Variants in SMIM33 observed in about 807,000 individuals in gnomAD.
SMIM33 encodes the protein small integral membrane protein 33.
At chr5:139,471,709 C>G (rs538854029) in intron 1 of SMIM33, among the ~76,000 whole-genome samples, 2 of 152,238 alleles carry the variant, frequency 1.3e-5, no homozygotes, top group Admixed American at 6.5e-5. Context: ...AGGGTCTCCA[C>G]AATCCATCCT....
At position 139,473,022 on chromosome 5, in the gene SMIM33, A is replaced by G; in HGVS notation, c.*101A>G. The G allele has an allele frequency of 2.5e-6, 1 of 397,916 alleles. No individual in the cohort carries two copies. Among genetic ancestry groups the G allele is most frequent in the Non-Finnish European group, 4.4e-6 (1 of 226,174 alleles). The allele number at this position is 397,916 out of a possible 1,614,324, so 24.6% of individuals were successfully genotyped here. ...TGGAGCCTGGGCATCAGAGCGTCGGAAGGGCACACTGGACTCAGCTGGAGC... is the reference window on the plus strand; with the variant it reads ...TGGAGCCTGGGCATCAGAGCGTCGGGAGGGCACACTGGACTCAGCTGGAGC... On this transcript the variant is annotated 3_prime_UTR_variant, in exon 2 of 2. Coordinates refer to ENST00000637503, the MANE Select transcript of SMIM33 (RefSeq NM_001365197.1).
Position 139,472,589 on chromosome 5 carries a change from C to G in SMIM33, c.67C>G (p.Gln23Glu). 2.5e-6 allele frequency: 1 copy of G among 400,868 alleles called. No homozygotes were observed. The highest frequency in any genetic ancestry group is 4.4e-6 in the Non-Finnish European group (1 of 226,290). 24.8% of individuals were successfully genotyped at this position (400,868 alleles called of 1,614,324 possible). Residue 23 changes from glutamine to glutamate, a missense_variant, in exon 2 of 2, where the codon CAG becomes GAG. Transcript: ENST00000637503. Reference sequence around the variant, plus strand: ...GAACAGTTCATCAGAGCAGGAGCCCCAGAGGCAGCTTCCGGAGGTGCTAAG... The same window carrying G: ...GAACAGTTCATCAGAGCAGGAGCCCGAGAGGCAGCTTCCGGAGGTGCTAAG... ...AVNSSSEQEPQRQLPEVLSGT... is the reference protein window; with the variant it reads ...AVNSSSEQEPERQLPEVLSGT...
rs1294648461 is a variant in SMIM33, at chr5:139,472,806, G to T, written c.284G>T (p.Arg95Leu). The stretch of plus-strand genomic sequence containing the variant: ...GGTGGCATCTACCTCATCCACTGGC[G>T]GGTGCTGGGCCCCCAAGACAGTCCT... The part of the protein sequence containing the change: ...PDGGIYLIHW[R>L]VLGPQDSPEE... The change falls in exon 2 of 2, where the codon CGG becomes CTG. Residue 95 changes from arginine (R) to leucine (L), a missense_variant. By Grantham distance (102) the Arg-to-Leu change is moderately radical (BLOSUM62 -2). Coordinates refer to ENST00000637503, the MANE Select transcript of SMIM33 (RefSeq NM_001365197.1). 2.7e-5 allele frequency: 11 copies of T among 400,792 alleles called. No individual in the cohort carries two copies. Among genetic ancestry groups the T allele is most frequent in the Admixed American group, 1.8e-4 (4 of 22,728 alleles). The allele number at this position is 400,792 out of a possible 1,614,324, so 24.8% of individuals were successfully genotyped here.
chr5:139,473,170 C>A lies in SMIM33; in HGVS notation c.*249C>A. 1 of 364,168 alleles carries A rather than the reference C, an allele frequency of 2.7e-6. No individual in the cohort carries two copies. The allele number at this position is 364,168 out of a possible 1,614,324, so 22.6% of individuals were successfully genotyped here. On this transcript the variant is annotated 3_prime_UTR_variant, in exon 2 of 2. Coordinates refer to ENST00000637503, the MANE Select transcript of SMIM33 (RefSeq NM_001365197.1). ...AGGGCCCAAGGCCACCTCACAAAGTCCCTCCCTCCTCTTCAGGGACCACCA... is the reference window on the plus strand; with the variant it reads ...AGGGCCCAAGGCCACCTCACAAAGTACCTCCCTCCTCTTCAGGGACCACCA...
chr5:139,472,522 C>G lies in SMIM33; in HGVS notation c.10-10C>G, dbSNP rs1751552736. 1 of 400,880 alleles carries G rather than the reference C, an allele frequency of 2.5e-6. No homozygotes were observed. Among genetic ancestry groups the G allele is most frequent in the Non-Finnish European group, 4.4e-6 (1 of 226,538 alleles). 24.8% of individuals were successfully genotyped at this position (400,880 alleles called of 1,614,324 possible). A position where few individuals can be genotyped will look rare whatever the true frequency, so the allele number is the denominator to read the frequency against. On this transcript the variant is annotated splice_polypyrimidine_tract_variant and intron_variant, in intron 1 of 1. Coordinates refer to ENST00000637503, the MANE Select transcript of SMIM33 (RefSeq NM_001365197.1). ...CATGTCACCCTCTCTCTCTGCCACT[C>G]TCCTCCCAGGCTGGCCACTACTCCT...
intron 1 of SMIM33, among the ~76,000 whole-genome samples, chr5:139,471,933 A>G (rs774691583): frequency 1.2e-4 from 19 of 152,286 alleles, no homozygotes; most frequent in Non-Finnish European, 1.8e-4. Flanking sequence ...AGGGGAGCCT[A>G]AAATGCTGGA....
chr5:139,472,232 T>C (rs895062189), intron 1 of SMIM33, among the ~76,000 whole-genome samples: 1 of 152,206 alleles, frequency 6.6e-6, no homozygotes, highest in African/African-American at 2.4e-5. Flanking sequence ...TCTTTATTTC[T>C]GTCTGTTTTT....
rs947386846 is a variant in SMIM33 at position 139,472,805 on chromosome 5, C to T, written c.283C>T (p.Arg95Trp). 5.7e-5 allele frequency: 23 copies of T among 400,836 alleles called. No individual in the cohort carries two copies. Among genetic ancestry groups the T allele is most frequent in the Non-Finnish European group, 8.8e-5 (20 of 226,372 alleles). 24.8% of individuals were successfully genotyped at this position (400,836 alleles called of 1,614,324 possible). A position where few individuals can be genotyped will look rare whatever the true frequency, so the allele number is the denominator to read the frequency against. Residue 95 changes from arginine (R) to tryptophan (W), a missense_variant, in exon 2 of 2, where the codon CGG (arginine) becomes TGG (tryptophan). By Grantham distance (101) the Arg-to-Trp change is moderately radical (BLOSUM62 -3). Coordinates refer to ENST00000637503, the MANE Select transcript of SMIM33 (RefSeq NM_001365197.1). ...TGGTGGCATCTACCTCATCCACTGG[C>T]GGGTGCTGGGCCCCCAAGACAGTCC... ...PDGGIYLIHW[R>W]VLGPQDSPEE...
intron 1 of SMIM33, 39 bp downstream of exon 1, chr5:139,471,169 C>T (rs1026201150): frequency 2.3e-5 from 9 of 398,740 alleles, no homozygotes; most frequent in Non-Finnish European, 4.0e-5. Flanking sequence ...GCTGGGCTGA[C>T]TCCCTGCAGG....
At chr5:139,471,585 A>G (rs1334867805) in intron 1 of SMIM33, among the ~76,000 whole-genome samples, 1 of 152,034 alleles carries the variant, frequency 6.6e-6, no homozygotes, top group Non-Finnish European at 1.5e-5. Flanking sequence ...CCTTCACTAC[A>G]ATGCCACCAC....
In SMIM33 at chr5:139,472,689, C is replaced by A. The variant is rs908596875; in HGVS notation, c.167C>A (p.Ala56Glu). Residue 56 changes from alanine (A) to glutamate (E), a missense_variant, in exon 2 of 2, where the codon GCA (alanine) becomes GAA (glutamate). Physicochemically the swap from Ala to Glu is moderately radical, Grantham distance 107. Coordinates refer to ENST00000637503, the MANE Select transcript of SMIM33 (RefSeq NM_001365197.1). ...TVIVAVFVLL[A>E]VCIIVAVHFG... is the part of the protein sequence containing the mutation. ...ATTGTCGCTGTCTTTGTTCTGCTGG[C>A]AGTCTGCATCATAGTGGCAGTCCAT... The A allele has an allele frequency of 2.5e-6, 1 of 400,872 alleles. No homozygotes were observed. 24.8% of individuals were successfully genotyped at this position (400,872 alleles called of 1,614,324 possible). A position where few individuals can be genotyped will look rare whatever the true frequency, so the allele number is the denominator to read the frequency against.
In SMIM33 at chr5:139,473,136, G is replaced by A; in HGVS notation, c.*215G>A. The A allele has an allele frequency of 2.6e-6, 1 of 383,992 alleles. No individual in the cohort carries two copies. Among genetic ancestry groups the A allele is most frequent in the East Asian group, 3.7e-5 (1 of 26,940 alleles). The allele number at this position is 383,992 out of a possible 1,614,324, so 23.8% of individuals were successfully genotyped here. On this transcript the variant is annotated 3_prime_UTR_variant, in exon 2 of 2. Transcript: ENST00000637503. ...CCCTGCCCAGAAACATGCTGCGGGG[G>A]GCCTTCCCAGGGCCCAAGGCCACCT...
Position 139,473,125 on chromosome 5 carries a change from A to G in SMIM33, c.*204A>G, listed in dbSNP as rs1430970203. 2.6e-6 allele frequency: 1 copy of G among 389,350 alleles called. No individual in the cohort carries two copies. Among genetic ancestry groups the G allele is most frequent in the African/African-American group, 2.1e-5 (1 of 48,482 alleles). 24.1% of individuals were successfully genotyped at this position (389,350 alleles called of 1,614,324 possible). On this transcript the variant is annotated 3_prime_UTR_variant, in exon 2 of 2. Transcript: ENST00000637503. Reference sequence around the variant, plus strand: ...AAACTTGAGGGCCCTGCCCAGAAACATGCTGCGGGGGGCCTTCCCAGGGCC... The same window carrying G: ...AAACTTGAGGGCCCTGCCCAGAAACGTGCTGCGGGGGGCCTTCCCAGGGCC...
At position 139,472,858 on chromosome 5, in the gene SMIM33, C is replaced by A. The variant is rs890624178; in HGVS notation, c.336C>A (p.Val112=). ...AAGAAGCACCACCGGGCCCTCTTGT[C>A]CCTGGCTCCTGCCCTGCGCCAGATG... ...SPEEAPPGPL[V]PGSCPAPDGP... is the part of the protein sequence containing the mutation. Residue 112 remains valine, a synonymous_variant, in exon 2 of 2, where the codon GTC becomes GTA. Transcript: ENST00000637503. 5 of 400,918 alleles carry A rather than the reference C, an allele frequency of 1.2e-5. No homozygotes were observed. Among genetic ancestry groups the A allele is most frequent in the Middle Eastern group, 3.1e-4 (1 of 3,222 alleles). 24.8% of individuals were successfully genotyped at this position (400,918 alleles called of 1,614,324 possible).
At chr5:139,472,020 A>G (rs1376523360) in intron 1 of SMIM33, among the ~76,000 whole-genome samples, 1 of 152,146 alleles carries the variant, frequency 6.6e-6, no homozygotes, top group Non-Finnish European at 1.5e-5. Flanking sequence ...ACAGCAGCCC[A>G]TAGCGTGCCA....
rs1751552592 is a variant in SMIM33 at position 139,472,516 on chromosome 5, G to A, written c.10-16G>A. The stretch of plus-strand genomic sequence containing the variant: ...TACATCCATGTCACCCTCTCTCTCT[G>A]CCACTCTCCTCCCAGGCTGGCCACT... On this transcript the variant is annotated splice_polypyrimidine_tract_variant and intron_variant, in intron 1 of 1. Coordinates refer to ENST00000637503, the MANE Select transcript of SMIM33 (RefSeq NM_001365197.1). 2 of 400,028 alleles carry A rather than the reference G, an allele frequency of 5.0e-6. No individual in the cohort carries two copies. Among genetic ancestry groups the A allele is most frequent in the Non-Finnish European group, 8.8e-6 (2 of 226,082 alleles). 24.8% of individuals were successfully genotyped at this position (400,028 alleles called of 1,614,324 possible). A position where few individuals can be genotyped will look rare whatever the true frequency, so the allele number is the denominator to read the frequency against.
Position 139,471,022 on chromosome 5 carries a change from G to A in SMIM33, c.-100G>A, listed in dbSNP as rs1420389780. 12 of 398,578 alleles carry A rather than the reference G, an allele frequency of 3.0e-5. No homozygotes were observed. Among genetic ancestry groups the A allele is most frequent in the Admixed American group, 1.3e-4 (3 of 22,726 alleles). The allele number at this position is 398,578 out of a possible 1,614,324, so 24.7% of individuals were successfully genotyped here. A position where few individuals can be genotyped will look rare whatever the true frequency, so the allele number is the denominator to read the frequency against. ...CACAGGGTGTGTGCCCATGGGCCCC[G>A]CAGACGTGGCAGCTCCGGGTAGGGG... On this transcript the variant is annotated 5_prime_UTR_variant, in exon 1 of 2. Transcript: ENST00000637503.
At position 139,473,184 on chromosome 5, in the gene SMIM33, C is replaced by T. The variant is rs1751566505; in HGVS notation, c.*263C>T. ...CCTCACAAAGTCCCTCCCTCCTCTT[C>T]AGGGACCACCAGACCCCTGAATCTC... On this transcript the variant is annotated 3_prime_UTR_variant, in exon 2 of 2. Transcript: ENST00000637503. 4 of 344,476 alleles carry T rather than the reference C, an allele frequency of 1.2e-5. No individual in the cohort carries two copies. In the Admixed American group the frequency reaches 1.4e-4, roughly 12 times the overall value. The allele number at this position is 344,476 out of a possible 1,614,324, so 21.3% of individuals were successfully genotyped here.
Position 139,473,132 on chromosome 5 carries a change from G to A in SMIM33, c.*211G>A, listed in dbSNP as rs947397735. 4.7e-5 allele frequency: 18 copies of A among 386,432 alleles called. No individual in the cohort carries two copies. Among genetic ancestry groups the A allele is most frequent in the African/African-American group, 3.1e-4 (15 of 48,524 alleles). The allele number at this position is 386,432 out of a possible 1,614,324, so 23.9% of individuals were successfully genotyped here. A position where few individuals can be genotyped will look rare whatever the true frequency, so the allele number is the denominator to read the frequency against. On this transcript the variant is annotated 3_prime_UTR_variant, in exon 2 of 2. Coordinates refer to ENST00000637503, the MANE Select transcript of SMIM33 (RefSeq NM_001365197.1). Reference sequence around the variant, plus strand: ...AGGGCCCTGCCCAGAAACATGCTGCGGGGGGCCTTCCCAGGGCCCAAGGCC... The same window carrying A: ...AGGGCCCTGCCCAGAAACATGCTGCAGGGGGCCTTCCCAGGGCCCAAGGCC...
Sources: gnomAD v4.1 joint callset for allele counts (sites outside exome capture counted in the v4.1 genomes callset) on GRCh38, gnomAD v4.1.1 for gene constraint, MANE v1.5 for transcripts, NCBI Gene and HGNC (gene_info 2026-07-23, HGNC 2026-07-21) for gene names.